MKKS: variants seen among roughly 807,000 people sequenced by gnomAD.
The protein encoded by MKKS is molecular chaperone MKKS.
Under a neutral mutation model 33.2 loss-of-function variants are expected in MKKS, and 29 were observed. The ratio of observed to expected loss-of-function variants is 0.87; its 90% confidence interval spans 0.65 to 1.19. The LOEUF (loss-of-function observed/expected upper bound fraction) is 1.19. MKKS is among the 50% of genes most tolerant of loss of function. The pLI is 0.00. For missense variants in MKKS, 661 were observed against 662.3 expected (o/e 1.00, Z 0.02); for synonymous variants, 260 against 244.0 (o/e 1.07, Z -0.61).
intron 2 of MKKS, among the ~76,000 whole-genome samples, chr20:10,416,494 G>A (rs1187754626): frequency 1.3e-5 from 2 of 151,622 alleles, no homozygotes; most frequent in Non-Finnish European, 2.9e-5. Context: ...AAAACATGAC[G>A]ACAGCAACAG....
chr20:10,420,888 T>C (rs962843637), intron 1 of MKKS, 130 bp from the exon 2 acceptor site: 1 of 152,196 alleles, frequency 6.6e-6, no homozygotes, highest in East Asian at 1.9e-4. Context: ...TTTTAAATTA[T>C]AATACATTGC....
chr20:10,405,012 C>CTGGCTAA lies in MKKS; in HGVS notation c.*234_*235insTTAGCCA. The CTGGCTAA allele has an allele frequency of 2.8e-6, 1 of 351,902 alleles. No homozygotes were observed. Among genetic ancestry groups the CTGGCTAA allele is most frequent in the Non-Finnish European group, 5.1e-6 (1 of 194,546 alleles). The allele number at this position is 351,902 out of a possible 1,614,324, so 21.8% of individuals were successfully genotyped here. On this transcript the variant is annotated 3_prime_UTR_variant, in exon 6 of 6. Transcript: ENST00000347364. ...CAATGTACAGCAGCCAGTATAGAAT[C>CTGGCTAA]CCTAAGATAACTATAATATTTTTAA...
intron 1 of MKKS, among the ~76,000 whole-genome samples, chr20:10,427,081 A>AC: frequency 1.2e-5 from 1 of 85,794 alleles, no homozygotes; most frequent in East Asian, 3.5e-4. Flanking sequence ...CACACACACA[A>AC]AGTAAGGTTA....
Position 10,405,675 on chromosome 20 carries a change from G to A in MKKS, c.1285C>T (p.Pro429Ser), listed in dbSNP as rs2064838610. 1 of 1,613,578 alleles carries A rather than the reference G, an allele frequency of 6.2e-7. No homozygotes were observed. Among genetic ancestry groups the A allele is most frequent in the Non-Finnish European group, 8.5e-7 (1 of 1,179,680 alleles). The change falls in exon 6 of 6, where the codon CCA becomes TCA. Residue 429 changes from proline to serine, a missense_variant. Transcript: ENST00000347364. ...AYIRHKTHND[P>S]ESILKDDECT... Reference sequence around the variant, plus strand: ...TCATCATCTTTGAGAATGCTTTCTGGGTCGTTGTGAGTCTAAAGAGTAATA... The same window carrying A: ...TCATCATCTTTGAGAATGCTTTCTGAGTCGTTGTGAGTCTAAAGAGTAATA...
chr20:10,416,008 G>A (rs1310901669), intron 2 of MKKS, among the ~76,000 whole-genome samples: 1 of 152,040 alleles, frequency 6.6e-6, no homozygotes, highest in Non-Finnish European at 1.5e-5. Context: ...CAAACCACTG[G>A]GGCTGGTTTA....
intron 3 of MKKS, among the ~76,000 whole-genome samples, chr20:10,409,955 G>A (rs1318948082): frequency 1.6e-5 from 2 of 123,736 alleles, no homozygotes; most frequent in African/African-American, 6.4e-5. Flanking sequence ...TCTAGCCTGG[G>A]CAACAGAGCG....
At chr20:10,425,496 C>G (rs918375105) in intron 1 of MKKS, among the ~76,000 whole-genome samples, 2 of 152,066 alleles carry the variant, frequency 1.3e-5, no homozygotes, top group Non-Finnish European at 2.9e-5. Flanking sequence ...TTTTTAAAAC[C>G]TTGACTTTTA....
intron 1 of MKKS, among the ~76,000 whole-genome samples, chr20:10,423,213 C>T (rs986337254): frequency 1.3e-5 from 2 of 151,944 alleles, no homozygotes; most frequent in South Asian, 4.2e-4. Context: ...CTGAGGTGGG[C>T]GGATCACTTG....
At chr20:10,433,663 T>C (rs1181292857) in intron 1 of MKKS, among the ~76,000 whole-genome samples, 2 of 152,146 alleles carry the variant, frequency 1.3e-5, no homozygotes, top group African/African-American at 2.4e-5. Flanking sequence ...AGGGCCACGC[T>C]GCACAACGTC....
chr20:10,433,361 T>C (rs1037000765), intron 1 of MKKS, among the ~76,000 whole-genome samples: 2 of 152,212 alleles, frequency 1.3e-5, no homozygotes, highest in Non-Finnish European at 2.9e-5. Flanking sequence ...AACTCATGGA[T>C]AGGGAGCGTA....
chr20:10,420,222 G>T (rs544500587), intron 2 of MKKS, among the ~76,000 whole-genome samples: 1 of 152,142 alleles, frequency 6.6e-6, no homozygotes, highest in South Asian at 2.1e-4. Flanking sequence ...TATAAATTTG[G>T]ACTTTTGTGA....
At chr20:10,407,097 A>G (rs1196793075) in intron 5 of MKKS, among the ~76,000 whole-genome samples, 2 of 152,234 alleles carry the variant, frequency 1.3e-5, no homozygotes. Flanking sequence ...AATAACATAC[A>G]TAAATACCAA....
chr20:10,412,544 A>C lies in MKKS; in HGVS notation c.971T>G (p.Leu324Arg). 6.2e-7 allele frequency: 1 copy of C among 1,613,950 alleles called. No individual in the cohort carries two copies. Among genetic ancestry groups the C allele is most frequent in the Non-Finnish European group, 8.5e-7 (1 of 1,180,002 alleles). ...DRIGVTLMEP[L>R]TKMTGTQPIG... ...GTGATTTTTACCTGTCATTTTAGTCAGGGGTTCCATCAGAGTCACTCCAAT... is the reference window on the plus strand; with the variant it reads ...GTGATTTTTACCTGTCATTTTAGTCCGGGGTTCCATCAGAGTCACTCCAAT... The change falls in exon 3 of 6, where the codon CTG becomes CGG. Residue 324 changes from leucine (L) to arginine (R), a missense_variant. Leu to Arg is a moderately radical substitution (Grantham distance 102). Coordinates refer to ENST00000347364, the MANE Select transcript of MKKS (RefSeq NM_170784.3).
At chr20:10,407,773 A>G (rs1312337367) in intron 4 of MKKS, 47 bp from the exon 5 acceptor site, 1 of 1,375,286 alleles carries the variant, frequency 7.3e-7, no homozygotes, top group Non-Finnish European at 1.0e-6. Context: ...ACATCATATT[A>G]ACACACAAAA....
In MKKS at chr20:10,404,385, A is replaced by G. The variant is rs1433573853; in HGVS notation, c.*862T>C. On this transcript the variant is annotated 3_prime_UTR_variant, in exon 6 of 6. Coordinates refer to ENST00000347364, the MANE Select transcript of MKKS (RefSeq NM_170784.3). ...GGGACATTTGGCAATGTCTGGAAAC[A>G]TTTTTGGTTGTCACAACAGGAGGGT... 6.7e-6 allele frequency: 1 copy of G among 150,160 alleles called. No homozygotes were observed. The allele number at this position is 150,160 out of a possible 1,614,324, so 9.3% of individuals were successfully genotyped here. A position where few individuals can be genotyped will look rare whatever the true frequency, so the allele number is the denominator to read the frequency against.
intron 1 of MKKS, among the ~76,000 whole-genome samples, chr20:10,421,777 A>G (rs1446928273): frequency 6.7e-6 from 1 of 150,352 alleles, no homozygotes; most frequent in Non-Finnish European, 1.5e-5. Flanking sequence ...TAGCTTTTAA[A>G]ATATATATAT....
At chr20:10,409,221 T>A (rs538898850) in intron 3 of MKKS, among the ~76,000 whole-genome samples, 23 of 152,298 alleles carry the variant, frequency 1.5e-4, no homozygotes, top group Admixed American at 4.6e-4. Flanking sequence ...GGCATTATTA[T>A]TTTCAATTTA....
intron 2 of MKKS, among the ~76,000 whole-genome samples, chr20:10,414,512 A>G (rs899121812): frequency 8.5e-5 from 13 of 152,054 alleles, no homozygotes; most frequent in Non-Finnish European, 1.5e-4. Flanking sequence ...TGATCTGCCC[A>G]TCTCTGCCTC....
At chr20:10,421,354 G>A (rs1410359630) in intron 1 of MKKS, among the ~76,000 whole-genome samples, 2 of 151,038 alleles carry the variant, frequency 1.3e-5, no homozygotes, top group East Asian at 1.9e-4. Flanking sequence ...AACTTGGGAG[G>A]TGGAGGTTGC....
Sources: allele counts gnomAD v4.1 joint callset (sites outside exome capture counted in the v4.1 genomes callset), GRCh38; gene constraint gnomAD v4.1.1; transcripts MANE v1.5; gene names NCBI Gene and HGNC (gene_info 2026-07-23, HGNC 2026-07-21).